The following ADARB2 variants were observed in gnomAD, a reference collection of about 807,000 sequenced individuals.
ADARB2 encodes the protein adenosine deaminase RNA specific B2 (inactive), also known as inactive double-stranded RNA-specific editase B2.
ADARB2 carries 25 observed loss-of-function variants against 62.2 expected under a neutral mutation model. The ratio of observed to expected loss-of-function variants is 0.40; its 90% CI spans 0.29 to 0.56. The LOEUF is 0.56. Among genes scored for constraint, ADARB2 ranks in the 20% least tolerant of loss-of-function variants. ADARB2 has a pLI of 0.43. For missense variants in ADARB2, 1,071 were observed against 1,077.4 expected (o/e 0.99, Z 0.08); for synonymous variants, 572 against 500.8 (o/e 1.14, Z -1.90).
chr10:1,232,095 A>G (rs1830809244), intron 6 of ADARB2, among the ~76,000 whole-genome samples: 1 of 152,046 alleles, frequency 6.6e-6, no homozygotes, highest in African/African-American at 2.4e-5. Context: ...TCTGCCAGAG[A>G]TTTCCTCCCT....
chr10:1,191,301 T>A (rs1252160366), intron 8 of ADARB2, among the ~76,000 whole-genome samples: 2 of 152,202 alleles, frequency 1.3e-5, no homozygotes, highest in African/African-American at 2.4e-5. Context: ...TGCCACTGGC[T>A]GGATGTGCAG....
At chr10:1,212,520 G>A (rs1837167880) in intron 7 of ADARB2, among the ~76,000 whole-genome samples, 1 of 152,194 alleles carries the variant, frequency 6.6e-6, no homozygotes, top group South Asian at 2.1e-4. Flanking sequence ...TTCTGTCATT[G>A]TCGGGACCAT....
intron 8 of ADARB2, among the ~76,000 whole-genome samples, chr10:1,187,661 C>T (rs1387617526): frequency 3.9e-5 from 6 of 152,244 alleles, no homozygotes; most frequent in African/African-American, 1.4e-4. Flanking sequence ...TCCCAACGCT[C>T]CTGGCTGCCA....
At chr10:1,230,299 C>T (rs1002698750) in intron 6 of ADARB2, among the ~76,000 whole-genome samples, 29 of 152,244 alleles carry the variant, frequency 1.9e-4, no homozygotes, top group Middle Eastern at 3.4e-3. Flanking sequence ...CAGGGTTAAT[C>T]CATAGGAGGG....
At position 1,334,964 on chromosome 10, in the gene ADARB2, A is replaced by G. The variant is rs368661773; in HGVS notation, c.1077+28064T>C. ...TTAATTCTAACATTTTATCATGACT[A>G]AAAATCATGTGGGGCCCTTGTTAAA... On this transcript the variant is annotated intron_variant, in intron 3 of 9. Transcript: ENST00000381312. Among the ~76,000 whole-genome samples, 7 of 152,222 alleles carry G rather than the reference A, an allele frequency of 4.6e-5. No homozygotes were observed. The South Asian group carries it at 1.2e-3, about 27-fold the overall frequency.
intron 1 of ADARB2, among the ~76,000 whole-genome samples, chr10:1,555,010 G>A (rs1832680197): frequency 6.6e-6 from 1 of 152,090 alleles, no homozygotes; most frequent in Non-Finnish European, 1.5e-5. Flanking sequence ...ATTTTCTTAG[G>A]ATAATGGCCT....
chr10:1,633,883 G>A (rs1833881176), intron 1 of ADARB2, among the ~76,000 whole-genome samples: 1 of 152,122 alleles, frequency 6.6e-6, no homozygotes, highest in South Asian at 2.1e-4. Flanking sequence ...AAGCCCGAGG[G>A]AGTGTCCTGT....
chr10:1,266,278 C>T (rs1050855599), intron 4 of ADARB2, among the ~76,000 whole-genome samples: 1 of 152,212 alleles, frequency 6.6e-6, no homozygotes, highest in East Asian at 1.9e-4. Context: ...CAGCCTCGTG[C>T]CTGTAGGTCC....
rs772262270 is a variant in ADARB2 at position 1,363,467 on chromosome 10, G to A, written c.638C>T (p.Thr213Ile). 3 of 1,475,432 alleles carry A rather than the reference G, an allele frequency of 2.0e-6. No homozygotes were observed. Among genetic ancestry groups the A allele is most frequent in the Admixed American group, 2.5e-5 (1 of 39,220 alleles). 91.4% of individuals were successfully genotyped at this position (1,475,432 alleles called of 1,614,324 possible). Residue 213 changes from threonine (T) to isoleucine (I), a missense_variant, in exon 3 of 10, where the codon ACC becomes ATC. Thr to Ile is a moderately conservative substitution (Grantham distance 89). Transcript: ENST00000381312. ...GTCGGGGAAATCGGCCTGGTCGGAG[G>A]TGAAGTCCGTGCCGGGGCCCGGGCC... is the stretch of plus-strand genomic sequence containing the variant. ...GGGPGPGTDF[T>I]SDQADFPDTL...
At chr10:1,736,764 G>A (rs979578256) in intron 1 of ADARB2, among the ~76,000 whole-genome samples, 16 of 152,224 alleles carry the variant, frequency 1.1e-4, no homozygotes, top group African/African-American at 3.4e-4. Flanking sequence ...GCGGGGCCCG[G>A]AGACGCGCGG....
chr10:1,537,436 A>T (rs1324141362), intron 1 of ADARB2, among the ~76,000 whole-genome samples: 1 of 152,248 alleles, frequency 6.6e-6, no homozygotes, highest in African/African-American at 2.4e-5. Context: ...CACAAATACC[A>T]TTTGGCCCAG....
At chr10:1,297,422 C>T (rs546369186) in intron 3 of ADARB2, among the ~76,000 whole-genome samples, 7 of 152,276 alleles carry the variant, frequency 4.6e-5, no homozygotes, top group East Asian at 1.9e-4. Context: ...GATTTTTAGC[C>T]GTTGAAATGG....
chr10:1,510,096 T>TTTCTTTTTCTC (rs1564312412), intron 1 of ADARB2, among the ~76,000 whole-genome samples: 2 of 124,832 alleles, frequency 1.6e-5, no homozygotes, highest in East Asian at 4.7e-4. Flanking sequence ...TCTCTCTCTC[T>TTTCTTTTTCTC]TTTCTTTCTT....
intron 1 of ADARB2, among the ~76,000 whole-genome samples, chr10:1,697,945 G>A (rs1034848759): frequency 2.6e-5 from 4 of 152,184 alleles, no homozygotes; most frequent in Non-Finnish European, 4.4e-5. Flanking sequence ...TGTGAGGAGC[G>A]GTTGGGAATG....
intron 1 of ADARB2, among the ~76,000 whole-genome samples, chr10:1,688,380 G>A (rs551000861): frequency 7.2e-5 from 11 of 152,288 alleles, no homozygotes; most frequent in South Asian, 6.2e-4. Flanking sequence ...TCCCTGACCC[G>A]GTTCATGTGG....
intron 1 of ADARB2, among the ~76,000 whole-genome samples, chr10:1,649,387 C>T (rs1163042967): frequency 1.3e-5 from 2 of 152,186 alleles, no homozygotes; most frequent in African/African-American, 4.8e-5. Flanking sequence ...AGGGGATACA[C>T]TTTTCTATCA....
chr10:1,442,161 A>G (rs1269638090), intron 1 of ADARB2, among the ~76,000 whole-genome samples: 2 of 152,230 alleles, frequency 1.3e-5, no homozygotes, highest in East Asian at 1.9e-4. Flanking sequence ...AAATTTCTGC[A>G]ACAGCTTATC....
intron 1 of ADARB2, among the ~76,000 whole-genome samples, chr10:1,460,168 G>C (rs112540162): frequency 1.4e-3 from 43 of 31,470 alleles, no homozygotes; most frequent in African/African-American, 4.9e-3. Context: ...CCTGTGACCT[G>C]AGTTTACCTG....
chr10:1,521,450 C>G (rs1267611324), intron 1 of ADARB2, among the ~76,000 whole-genome samples: 12 of 152,204 alleles, frequency 7.9e-5, no homozygotes. Context: ...GAATGCACTT[C>G]CTCCCCAGCC....
Sources: gnomAD v4.1 joint callset for allele counts (sites outside exome capture counted in the v4.1 genomes callset) on GRCh38, gnomAD v4.1.1 for gene constraint, MANE v1.5 for transcripts, NCBI Gene and HGNC (gene_info 2026-07-23, HGNC 2026-07-21) for gene names.